Variants in MTOR observed in about 807,000 individuals in gnomAD.
MTOR encodes the protein mechanistic target of rapamycin kinase, also known as serine/threonine-protein kinase mTOR.
A neutral mutation model predicts 319.8 loss-of-function variants in MTOR; 70 were observed. That is an observed-to-expected ratio of 0.22 (90% CI 0.18 to 0.27). MTOR has a LOEUF of 0.27. Among genes scored for constraint, MTOR ranks in the 10% least tolerant of loss-of-function variants. The probability of loss-of-function intolerance (pLI) is 1.00; values close to 1 mark genes in which losing one functional copy is unlikely to be tolerated. For synonymous variants in MTOR, 1,183 were observed against 1,211.4 expected (o/e 0.98, Z 0.49); for missense variants, 1,890 against 3,274.4 (o/e 0.58, Z 10.32).
chr1:11,216,097 G>T, intron 20 of MTOR, 51 bp downstream of exon 20: 1 of 1,355,862 alleles, frequency 7.4e-7, no homozygotes, highest in Non-Finnish European at 1.1e-6. Flanking sequence ...TTGCTTCTGA[G>T]CCTTCCTTGA....
Position 11,109,204 on chromosome 1 carries a change from C to T in MTOR, c.7528+86G>A. ...TGGTGCCAAAGCTCGTCACTAACAC[C>T]ACTGGACATGGGGCTGACCACCACT... On this transcript the variant is annotated intron_variant, in intron 56 of 57. Coordinates refer to ENST00000361445, the MANE Select transcript of MTOR (RefSeq NM_004958.4). The surrounding 1 kb of genome is among the most constrained non-coding windows in gnomAD (Gnocchi z 4.0). 8.2e-7 allele frequency: 1 copy of T among 1,218,820 alleles called. No individual in the cohort carries two copies. The highest frequency in any genetic ancestry group is 1.2e-6 in the Non-Finnish European group (1 of 844,354). 75.5% of individuals were successfully genotyped at this position (1,218,820 alleles called of 1,614,324 possible).
chr1:11,116,961 C>T (rs1031298777), intron 50 of MTOR, 43 bp downstream of exon 50: 10 of 1,440,938 alleles, frequency 6.9e-6, no homozygotes, highest in Non-Finnish European at 8.6e-6. Context: ...AGGAAAACTA[C>T]AATGGAGAAA....
intron 31 of MTOR, among the ~76,000 whole-genome samples, chr1:11,148,136 TA>T (rs1643998539): frequency 6.6e-6 from 1 of 151,940 alleles, no homozygotes; most frequent in Non-Finnish European, 1.5e-5. Flanking sequence ...CTGCTTGGGA[TA>T]AAAACATGAC....
intron 47 of MTOR, among the ~76,000 whole-genome samples, chr1:11,123,915 G>A (rs1456490946): frequency 1.3e-5 from 2 of 152,038 alleles, no homozygotes; most frequent in Admixed American, 1.3e-4. Flanking sequence ...AGCCTCCTGA[G>A]TAGCCGGGAT....
In MTOR at chr1:11,195,116, T is replaced by C. The variant is rs28991013; in HGVS notation, c.4253+4142A>G. 1.8e-4 allele frequency: 239 copies of C among 1,344,332 alleles called. No homozygotes were observed. The African/African-American group carries it at 2.6e-3, about 15-fold the overall frequency. 83.3% of individuals were successfully genotyped at this position (1,344,332 alleles called of 1,614,324 possible). A position where few individuals can be genotyped will look rare whatever the true frequency, so the allele number is the denominator to read the frequency against. ...GACAGGAAGAGAGTGTTAGAAAGGGTAGGACTGAGAAACAGCCTATAATCT... is the reference window on the plus strand; with the variant it reads ...GACAGGAAGAGAGTGTTAGAAAGGGCAGGACTGAGAAACAGCCTATAATCT... On this transcript the variant is annotated intron_variant, in intron 28 of 57. Transcript: ENST00000361445.
chr1:11,138,072 A>G (rs1643513385), intron 36 of MTOR, among the ~76,000 whole-genome samples: 1 of 152,136 alleles, frequency 6.6e-6, no homozygotes, highest in Non-Finnish European at 1.5e-5. Context: ...TTCCATGGAG[A>G]AGTTGGGCTG....
rs766227447 is a variant in MTOR, at chr1:11,121,387, G to A, written c.6811-19C>T. The A allele has an allele frequency of 3.7e-6, 6 of 1,613,444 alleles. No homozygotes were observed. The highest frequency in any genetic ancestry group is 5.1e-6 in the Non-Finnish European group (6 of 1,179,840). ...GAGCCATCTGCATCAGGACACAACTGTTCAGTAAGAGAGCAGCCTAAGACA... is the reference window on the plus strand; with the variant it reads ...GAGCCATCTGCATCAGGACACAACTATTCAGTAAGAGAGCAGCCTAAGACA... On this transcript the variant is annotated intron_variant, in intron 48 of 57. Transcript: ENST00000361445. The surrounding 1 kb of genome is among the most constrained non-coding windows in gnomAD (Gnocchi z 4.9).
chr1:11,213,621 T>C (rs1283505722), intron 20 of MTOR, 55 bp from the exon 21 acceptor site: 5 of 1,555,242 alleles, frequency 3.2e-6, no homozygotes, highest in Non-Finnish European at 4.4e-6. Flanking sequence ...TGATGATATA[T>C]GAACAAAGGA....
In MTOR at chr1:11,232,477, T is replaced by G. The variant is rs1220459715; in HGVS notation, c.2473A>C (p.Met825Leu). ...AAAGAGGAATCCTGGAGCATGTCCA[T>G]GATGATAATAAAAAGTTCATCAACC... ...KWVDELFIII[M>L]DMLQDSSLLA... The change falls in exon 16 of 58, where the codon ATG (methionine) becomes CTG (leucine). Residue 825 changes from methionine to leucine, a missense_variant. Met to Leu is a conservative substitution (Grantham distance 15). Around this residue, in one of 15 missense-constraint regions of MTOR, gnomAD observed 377 missense variants for 653.9 expected, o/e 0.58. Coordinates refer to ENST00000361445, the MANE Select transcript of MTOR (RefSeq NM_004958.4). 2 of 1,613,900 alleles carry G rather than the reference T, an allele frequency of 1.2e-6. No homozygotes were observed. The highest frequency in any genetic ancestry group is 2.2e-5 in the East Asian group (1 of 44,886).
chr1:11,191,061 A>G (rs1006209910), intron 28 of MTOR, among the ~76,000 whole-genome samples: 19 of 152,314 alleles, frequency 1.2e-4, no homozygotes, highest in African/African-American at 4.3e-4. Context: ...TTGGTCTGTG[A>G]GATGAAACCA....
At chr1:11,124,211 C>G (rs1642696304) in intron 47 of MTOR, among the ~76,000 whole-genome samples, 1 of 150,752 alleles carries the variant, frequency 6.6e-6, no homozygotes, top group African/African-American at 2.4e-5. Context: ...ATTATAGGTG[C>G]GAGCCACCAT....
Position 11,121,476 on chromosome 1 carries a change from C to A in MTOR, c.6811-108G>T. 7.0e-7 allele frequency: 1 copy of A among 1,421,796 alleles called. No homozygotes were observed. The highest frequency in any genetic ancestry group is 9.6e-7 in the Non-Finnish European group (1 of 1,041,654). The allele number at this position is 1,421,796 out of a possible 1,614,324, so 88.1% of individuals were successfully genotyped here. The stretch of plus-strand genomic sequence containing the variant: ...AGGCAGAGCTGAGTTCTAATTTCCC[C>A]ATCATAGCCAAAGGAGAAGGGAAAT... On this transcript the variant is annotated intron_variant, in intron 48 of 57. Coordinates refer to ENST00000361445, the MANE Select transcript of MTOR (RefSeq NM_004958.4). The surrounding 1 kb of genome is among the most constrained non-coding windows in gnomAD (Gnocchi z 4.9).
intron 29 of MTOR, among the ~76,000 whole-genome samples, chr1:11,160,998 C>T (rs1644460762): frequency 6.6e-6 from 1 of 152,104 alleles, no homozygotes; most frequent in South Asian, 2.1e-4. Flanking sequence ...TCACCTCACC[C>T]CGGAAGCACA....
rs559928887 is a variant in MTOR at position 11,145,434 on chromosome 1, T to G, written c.4687-389A>C. ...CTCTGTCACCCAGGCTGGAGTGCAG[T>G]GGTGTGATCTTGGCTCACTGCAGTC... On this transcript the variant is annotated intron_variant, in intron 32 of 57. Transcript: ENST00000361445. Among the ~76,000 whole-genome samples, 14 of 152,112 alleles carry G rather than the reference T, an allele frequency of 9.2e-5. 1 individual carries two copies. Among genetic ancestry groups the G allele is most frequent in the Middle Eastern group, 3.4e-3 (1 of 294 alleles).
In MTOR at chr1:11,247,577, C is replaced by T. The variant is rs767233023; in HGVS notation, c.1225+48G>A. 23 of 1,546,498 alleles carry T rather than the reference C, an allele frequency of 1.5e-5. No homozygotes were observed. In the South Asian group the frequency reaches 2.1e-4, roughly 14 times the overall value. ...TTGGCTTTTCTGGAATCACCTGTTCCCTGTTTACCCTGAGATGGGTAATGA... is the reference window on the plus strand; with the variant it reads ...TTGGCTTTTCTGGAATCACCTGTTCTCTGTTTACCCTGAGATGGGTAATGA... On this transcript the variant is annotated intron_variant, in intron 8 of 57. Transcript: ENST00000361445.
chr1:11,238,554 T>C lies in MTOR; in HGVS notation c.1850A>G (p.Glu617Gly). Residue 617 changes from glutamate (E) to glycine (G), a missense_variant, in exon 12 of 58, where the codon GAG (glutamate) becomes GGG (glycine). Coordinates refer to ENST00000361445, the MANE Select transcript of MTOR (RefSeq NM_004958.4). ...GGTGCGGGCAGCCTCCATGCGGATC[T>C]CCTTGTGCTCACTGTTCAGGAAATG... is the stretch of plus-strand genomic sequence containing the variant. ...ADHFLNSEHK[E>G]IRMEAARTCS... 1 of 1,614,186 alleles carries C rather than the reference T, an allele frequency of 6.2e-7. No individual in the cohort carries two copies. The highest frequency in any genetic ancestry group is 1.3e-5 in the African/African-American group (1 of 75,052).
intron 49 of MTOR, among the ~76,000 whole-genome samples, chr1:11,117,408 G>A (rs891444225): frequency 6.6e-6 from 1 of 152,128 alleles, no homozygotes; most frequent in African/African-American, 2.4e-5. Context: ...TGATCCGCTT[G>A]CCTCGGCCTC....
chr1:11,231,354 A>C lies in MTOR; in HGVS notation c.2595T>G (p.Leu865=), dbSNP rs772466793. 5 of 1,614,132 alleles carry C rather than the reference A, an allele frequency of 3.1e-6. No individual in the cohort carries two copies. The highest frequency in any genetic ancestry group is 4.2e-6 in the Non-Finnish European group (5 of 1,179,968). ...TCTTCAGAAAATTCAGTAGCACCTCAAGCAAAGTAGGGTACTTCCTGTAGG... is the reference window on the plus strand; with the variant it reads ...TCTTCAGAAAATTCAGTAGCACCTCCAGCAAAGTAGGGTACTTCCTGTAGG... ...VEPYRKYPTL[L]EVLLNFLKTE... Residue 865 remains leucine, a synonymous_variant, in exon 17 of 58, where the codon CTT becomes CTG. Transcript: ENST00000361445.
rs1469581472 is a variant in MTOR, at chr1:11,110,903, AGTTC to A, written c.7367-1178_7367-1175del. On this transcript the variant is annotated intron_variant, in intron 54 of 57. Transcript: ENST00000361445. ...TGGTGCCAGCAGAACTGGCTGTCCT[AGTTC>A]CCTTCTGTATGCTACAGACAGCATA... is the stretch of plus-strand genomic sequence containing the variant. 2.0e-4 allele frequency among the ~76,000 whole-genome samples: 30 copies of A among 152,256 alleles called. No homozygotes were observed. In the South Asian group the frequency reaches 2.3e-3, roughly 12 times the overall value.
Sources: allele counts gnomAD v4.1 joint callset (sites outside exome capture counted in the v4.1 genomes callset), GRCh38; gene constraint gnomAD v4.1.1; regional missense constraint gnomAD v4.1.1; non-coding constraint Gnocchi (gnomAD v3.1); transcripts MANE v1.5; gene names NCBI Gene and HGNC (gene_info 2026-07-23, HGNC 2026-07-21).